Variants in PIK3C3 observed in about 807,000 individuals in gnomAD.
PIK3C3 encodes the protein PI3-kinase type 3.
Under a neutral mutation model 126.1 loss-of-function variants are expected in PIK3C3, and 95 were observed. The ratio of observed to expected loss-of-function variants is 0.75; its 90% CI spans 0.64 to 0.89. PIK3C3 has a LOEUF of 0.89. PIK3C3 is among the 40% of genes least tolerant of loss of function. PIK3C3 has a pLI of 0.00. For missense variants in PIK3C3, 829 were observed against 1,063.2 expected, an observed-to-expected ratio of 0.78 and a Z score of 3.06; for synonymous variants, 374 against 360.0, an observed-to-expected ratio of 1.04 and a Z score of -0.44.
At chr18:42,069,341 A>G (rs1598953773) in intron 24 of PIK3C3, among the ~76,000 whole-genome samples, 1 of 152,234 alleles carries the variant, frequency 6.6e-6, no homozygotes, top group Non-Finnish European at 1.5e-5. Flanking sequence ...AGAATATTTT[A>G]GAGGTATAGG....
In PIK3C3 at chr18:42,086,700, A is replaced by G. The variant is rs1236874760; in HGVS notation, c.*5563A>G. 2.0e-5 allele frequency: 3 copies of G among 152,248 alleles called. No homozygotes were observed. The highest frequency in any genetic ancestry group is 7.2e-5 in the African/African-American group (3 of 41,478). 9.4% of individuals were successfully genotyped at this position (152,248 alleles called of 1,614,324 possible). A position where few individuals can be genotyped will look rare whatever the true frequency, so the allele number is the denominator to read the frequency against. The stretch of plus-strand genomic sequence containing the variant: ...TACAAATGCCATAACAACATCAGGA[A>G]GTTACCCTATATGGTCTAAAAAGGG... On this transcript the variant is annotated 3_prime_UTR_variant, in exon 25 of 25. Coordinates refer to ENST00000262039, the MANE Select transcript of PIK3C3 (RefSeq NM_002647.4).
intron 3 of PIK3C3, 88 bp from the exon 4 acceptor site, chr18:41,970,239 A>G: frequency 1.8e-6 from 2 of 1,104,906 alleles, no homozygotes; most frequent in Non-Finnish European, 2.7e-6. Flanking sequence ...TTCCATGTAT[A>G]GAATTCTCTT....
intron 20 of PIK3C3, among the ~76,000 whole-genome samples, chr18:42,048,120 T>G (rs1423520262): frequency 6.6e-6 from 1 of 152,206 alleles, no homozygotes; most frequent in African/African-American, 2.4e-5. Context: ...AGTGGACCAC[T>G]AAATGTTATC....
At chr18:42,078,481 G>A (rs947883863) in intron 24 of PIK3C3, among the ~76,000 whole-genome samples, 15 of 151,500 alleles carry the variant, frequency 9.9e-5, no homozygotes, top group Non-Finnish European at 1.8e-4. Flanking sequence ...ATCAAAGGCA[G>A]AGTAGATTTA....
intron 16 of PIK3C3, among the ~76,000 whole-genome samples, chr18:42,035,410 A>AT (rs1598917010): frequency 6.6e-6 from 1 of 152,186 alleles, no homozygotes; most frequent in Non-Finnish European, 1.5e-5. Flanking sequence ...AGAGTGGACT[A>AT]TAAGAAGATA....
At position 42,082,643 on chromosome 18, in the gene PIK3C3, A is replaced by T. The variant is rs1478025062; in HGVS notation, c.*1506A>T. On this transcript the variant is annotated 3_prime_UTR_variant, in exon 25 of 25. Coordinates refer to ENST00000262039, the MANE Select transcript of PIK3C3 (RefSeq NM_002647.4). ...TTCTATTTCTATTGAAACTTCCTCC[A>T]AAACTTTTCTCTGAATTACCCTTGT... The T allele has an allele frequency of 6.6e-6, 1 of 152,128 alleles. No individual in the cohort carries two copies. The highest frequency in any genetic ancestry group is 2.4e-5 in the African/African-American group (1 of 41,408). The allele number at this position is 152,128 out of a possible 1,614,324, so 9.4% of individuals were successfully genotyped here. A position where few individuals can be genotyped will look rare whatever the true frequency, so the allele number is the denominator to read the frequency against.
chr18:42,046,436 CAT>C (rs1353338841), intron 20 of PIK3C3, among the ~76,000 whole-genome samples: 1 of 152,086 alleles, frequency 6.6e-6, no homozygotes, highest in East Asian at 1.9e-4. Context: ...CACATACACA[CAT>C]ATCTTTACTA....
chr18:42,052,412 A>G (rs1984846860), intron 21 of PIK3C3, among the ~76,000 whole-genome samples: 1 of 152,154 alleles, frequency 6.6e-6, no homozygotes, highest in African/African-American at 2.4e-5. Context: ...TCCTATTAAA[A>G]CAGCAGTTCA....
At position 42,057,856 on chromosome 18, in the gene PIK3C3, A is replaced by G. The variant is rs1386391661; in HGVS notation, c.2264-27A>G. ...CCAGTTCTTTAAGATAATTCTGGAA[A>G]CAAATGAGTTTCTTGTCAACATCCA... On this transcript the variant is annotated intron_variant, in intron 21 of 24. Coordinates refer to ENST00000262039, the MANE Select transcript of PIK3C3 (RefSeq NM_002647.4). The G allele has an allele frequency of 1.9e-6, 3 of 1,610,268 alleles. No individual in the cohort carries two copies. In the Admixed American group the frequency reaches 5.0e-5, roughly 27 times the overall value.
intron 18 of PIK3C3, among the ~76,000 whole-genome samples, chr18:42,039,340 A>G (rs1476059023): frequency 2.0e-5 from 3 of 152,160 alleles, no homozygotes; most frequent in Admixed American, 6.5e-5. Flanking sequence ...TTGATGCCTT[A>G]ATTACTCTTC....
intron 1 of PIK3C3, among the ~76,000 whole-genome samples, chr18:41,956,548 C>CTTTTTTTTTTTTTT (rs57601171): frequency 1.0e-5 from 1 of 100,238 alleles, no homozygotes; most frequent in Admixed American, 1.2e-4. Context: ...AAACCGGTCC[C>CTTTTTTTTTTTTTT]TTTTTTTTTT....
intron 21 of PIK3C3, among the ~76,000 whole-genome samples, chr18:42,056,033 T>C (rs1395674475): frequency 2.0e-5 from 3 of 152,118 alleles, no homozygotes; most frequent in Non-Finnish European, 4.4e-5. Flanking sequence ...CTTGACTGTT[T>C]AAGGTGGTAG....
rs1335874003 is a variant in PIK3C3, at chr18:41,990,482, C to T, written c.642C>T (p.Phe214=). 1.3e-5 allele frequency: 21 copies of T among 1,593,250 alleles called. No individual in the cohort carries two copies. Among genetic ancestry groups the T allele is most frequent in the East Asian group, 2.2e-5 (1 of 44,648 alleles). ...AGAGTGAAAAACGAAGTTCTAATTTCATGTACCTGATGGTTGAATTTCGAT... is the reference window on the plus strand; with the variant it reads ...AGAGTGAAAAACGAAGTTCTAATTTTATGTACCTGATGGTTGAATTTCGAT... ...INESEKRSSN[F]MYLMVEFRCV... Residue 214 remains phenylalanine, a synonymous_variant, in exon 6 of 25, where the codon TTC becomes TTT. Transcript: ENST00000262039.
rs539048167 is a variant in PIK3C3, at chr18:42,085,168, A to C, written c.*4031A>C. 2.6e-5 allele frequency: 4 copies of C among 152,292 alleles called. No individual in the cohort carries two copies. The highest frequency in any genetic ancestry group is 9.6e-5 in the African/African-American group (4 of 41,578). 9.4% of individuals were successfully genotyped at this position (152,292 alleles called of 1,614,324 possible). ...TTTATATTAAGAATAGGTACAATGT[A>C]AATACTGGTAAGTGAAAGTTCATTT... On this transcript the variant is annotated 3_prime_UTR_variant, in exon 25 of 25. Transcript: ENST00000262039.
chr18:42,041,725 C>T (rs138482770), intron 19 of PIK3C3, among the ~76,000 whole-genome samples: 89 of 152,112 alleles, frequency 5.9e-4, no homozygotes, highest in African/African-American at 2.0e-3. Flanking sequence ...TCCATTTATT[C>T]AGTATGGGAG....
At chr18:42,068,201 C>T (rs961351952) in intron 24 of PIK3C3, among the ~76,000 whole-genome samples, 4 of 152,138 alleles carry the variant, frequency 2.6e-5, no homozygotes, top group Non-Finnish European at 4.4e-5. Context: ...CTCACCAAGC[C>T]GTGTTTGTTT....
intron 4 of PIK3C3, among the ~76,000 whole-genome samples, chr18:41,974,975 G>A (rs52911): frequency 0.49 from 74,376 of 151,972 alleles, 19,775 homozygotes; most frequent in African/African-American, 0.7. Flanking sequence ...GTTTCTGTCA[G>A]TTTGATTAAG....
At chr18:42,057,325 A>G (rs575483032) in intron 21 of PIK3C3, among the ~76,000 whole-genome samples, 21 of 152,258 alleles carry the variant, frequency 1.4e-4, no homozygotes, top group African/African-American at 4.8e-4. Flanking sequence ...TCTTTCTTAC[A>G]TATTAGTAAA....
chr18:41,991,051 A>G (rs1300388539), intron 6 of PIK3C3, among the ~76,000 whole-genome samples: 1 of 152,172 alleles, frequency 6.6e-6, no homozygotes, highest in Non-Finnish European at 1.5e-5. Flanking sequence ...CAATTTTACC[A>G]TCAGGCTGGG....
Sources: gnomAD v4.1 joint callset for allele counts (sites outside exome capture counted in the v4.1 genomes callset) on GRCh38, gnomAD v4.1.1 for gene constraint, MANE v1.5 for transcripts, NCBI Gene and HGNC (gene_info 2026-07-23, HGNC 2026-07-21) for gene names.